The following SSBP3 variants were observed in gnomAD, a reference collection of about 807,000 sequenced individuals.
SSBP3 encodes the protein single stranded DNA binding protein 3, also known as single-stranded DNA-binding protein 3.
SSBP3 carries 5 observed loss-of-function variants against 69.6 expected under a neutral mutation model. The observed-to-expected ratio is 0.07, with a 90% CI of 0.04 to 0.15. The LOEUF (loss-of-function observed/expected upper bound fraction) is 0.15, where lower values mean the gene tolerates loss of function less well. Among genes scored for constraint, SSBP3 ranks in the 10% least tolerant of loss-of-function variants. The probability of loss-of-function intolerance (pLI) is 1.00; values close to 1 mark genes in which losing one functional copy is unlikely to be tolerated. For synonymous variants in SSBP3, 196 were observed against 193.4 expected, an observed-to-expected ratio of 1.01 and a Z score of -0.11; for missense variants, 312 against 534.0, an observed-to-expected ratio of 0.58 and a Z score of 4.10.
chr1:54,400,614 C>A (rs1649226975), intron 4 of SSBP3, among the ~76,000 whole-genome samples: 1 of 152,184 alleles, frequency 6.6e-6, no homozygotes, highest in South Asian at 2.1e-4. Flanking sequence ...GAAGAGGGAA[C>A]AAGAACTGCT....
chr1:54,353,017 C>G (rs997685953), intron 4 of SSBP3, among the ~76,000 whole-genome samples: 1 of 152,116 alleles, frequency 6.6e-6, no homozygotes, highest in Non-Finnish European at 1.5e-5. Flanking sequence ...GTAGGTGACG[C>G]GGGGAGGCGG....
chr1:54,238,490 A>G, intron 14 of SSBP3: 1 of 374,106 alleles, frequency 2.7e-6, no homozygotes, highest in Non-Finnish European at 5.5e-6. Context: ...ACCTCGGGCA[A>G]CGCCCCCTGG....
At position 54,287,927 on chromosome 1, in the gene SSBP3, G is replaced by A. The variant is rs182642368; in HGVS notation, c.277-6400C>T. Among the ~76,000 whole-genome samples, 734 of 152,256 alleles carry A rather than the reference G, an allele frequency of 4.8e-3. 7 individuals are homozygous for A. Among genetic ancestry groups the A allele is most frequent in the Non-Finnish European group, 8.2e-3 (555 of 68,016 alleles). On this transcript the variant is annotated intron_variant, in intron 4 of 17. Transcript: ENST00000610401. ...ACGTGAAGAGGCAGAACCAGCTGAC[G>A]TTAAAAATAGGTTTGGATGACACAC... is the stretch of plus-strand genomic sequence containing the variant.
intron 4 of SSBP3, among the ~76,000 whole-genome samples, chr1:54,389,890 T>A (rs1382317318): frequency 3.6e-4 from 15 of 41,494 alleles, no homozygotes; most frequent in African/African-American, 2.0e-3. Flanking sequence ...AAAAAAAAAA[T>A]TTTTTTTTTT....
At chr1:54,242,915 A>G in intron 10 of SSBP3, 1 of 254,312 alleles carries the variant, frequency 3.9e-6, no homozygotes, top group South Asian at 8.7e-5. Context: ...GTGCCACTGT[A>G]CTCCAGCCTG....
At chr1:54,392,041 C>T (rs1648538441) in intron 4 of SSBP3, among the ~76,000 whole-genome samples, 1 of 152,156 alleles carries the variant, frequency 6.6e-6, no homozygotes, top group African/African-American at 2.4e-5. Flanking sequence ...CGCGCCCACT[C>T]CAGAGTGGTC....
At chr1:54,232,027 G>T (rs1388978147) in intron 14 of SSBP3, among the ~76,000 whole-genome samples, 2 of 152,150 alleles carry the variant, frequency 1.3e-5, no homozygotes, top group African/African-American at 4.8e-5. Context: ...GTGTACTGCT[G>T]TAAGGACACA....
At chr1:54,280,542 CT>C (rs1159083574) in intron 5 of SSBP3, among the ~76,000 whole-genome samples, 6 of 152,164 alleles carry the variant, frequency 3.9e-5, no homozygotes, top group Admixed American at 3.9e-4. Flanking sequence ...GTGTGGAGAA[CT>C]CGGGCGGATT....
intron 15 of SSBP3, 53 bp from the exon 16 acceptor site, chr1:54,228,530 G>T (rs941040563): frequency 6.2e-7 from 1 of 1,611,790 alleles, no homozygotes; most frequent in African/African-American, 1.3e-5. Flanking sequence ...TCCACGGAGG[G>T]GTCTCCCCTC....
At chr1:54,233,517 G>A (rs1188458954) in intron 14 of SSBP3, among the ~76,000 whole-genome samples, 21 of 148,472 alleles carry the variant, frequency 1.4e-4, no homozygotes, top group South Asian at 8.4e-4. Flanking sequence ...CCGGCCAGCC[G>A]CCCCGTCCGG....
chr1:54,400,001 T>C (rs981101553), intron 4 of SSBP3, among the ~76,000 whole-genome samples: 1 of 152,156 alleles, frequency 6.6e-6, no homozygotes, highest in African/African-American at 2.4e-5. Context: ...AGTGTAGGCC[T>C]CAATTAGGGT....
chr1:54,288,926 A>G (rs1218813515), intron 4 of SSBP3, among the ~76,000 whole-genome samples: 3 of 149,602 alleles, frequency 2.0e-5, no homozygotes, highest in Non-Finnish European at 4.4e-5. Flanking sequence ...AGGCTGAGGC[A>G]GGAGACTCGC....
intron 4 of SSBP3, among the ~76,000 whole-genome samples, chr1:54,282,277 C>A (rs956550411): frequency 7.9e-5 from 12 of 152,202 alleles, no homozygotes; most frequent in Non-Finnish European, 1.6e-4. Flanking sequence ...GTGCCCTCTG[C>A]AAGTGGCTGG....
At chr1:54,248,638 GCCGGGC>G (rs1644772954) in intron 9 of SSBP3, among the ~76,000 whole-genome samples, 3 of 152,134 alleles carry the variant, frequency 2.0e-5, no homozygotes, top group African/African-American at 4.8e-5. Context: ...ACCAGGCTCT[GCCGGGC>G]CCAAGATGAG....
intron 4 of SSBP3, among the ~76,000 whole-genome samples, chr1:54,285,659 C>T (rs1645475068): frequency 6.6e-6 from 1 of 152,106 alleles, no homozygotes. Flanking sequence ...ATCGGCCTCC[C>T]TCTGTGGTTT....
chr1:54,354,372 T>C (rs1247269930), intron 4 of SSBP3, among the ~76,000 whole-genome samples: 1 of 152,190 alleles, frequency 6.6e-6, no homozygotes, highest in Non-Finnish European at 1.5e-5. Context: ...AAGCCAATGC[T>C]GGGACCCTCA....
chr1:54,305,853 T>C (rs1557515410), intron 4 of SSBP3, among the ~76,000 whole-genome samples: 1 of 148,722 alleles, frequency 6.7e-6, no homozygotes, highest in African/African-American at 2.5e-5. Context: ...TTGCTTTCTA[T>C]CTAGCAGCCG....
At chr1:54,236,702 T>G (rs1644501389) in intron 14 of SSBP3, 1 of 152,248 alleles carries the variant, frequency 6.6e-6, no homozygotes, top group South Asian at 2.1e-4. Flanking sequence ...TTAACATCTT[T>G]TCTATGGCCA....
chr1:54,386,017 G>A (rs1190216619), intron 4 of SSBP3, among the ~76,000 whole-genome samples: 2 of 152,200 alleles, frequency 1.3e-5, no homozygotes, highest in Non-Finnish European at 2.9e-5. Flanking sequence ...CATGTTGAAA[G>A]CTAAAGGCCA....
Sources: gnomAD v4.1 joint callset for allele counts (sites outside exome capture counted in the v4.1 genomes callset) on GRCh38, gnomAD v4.1.1 for gene constraint, MANE v1.5 for transcripts, NCBI Gene and HGNC (gene_info 2026-07-23, HGNC 2026-07-21) for gene names.